The following ATE1 variants were observed in gnomAD, a reference collection of about 807,000 sequenced individuals.
ATE1 encodes arginyl-tRNA--protein transferase 1.
Under a neutral mutation model 70.5 loss-of-function variants are expected in ATE1, and 36 were observed. That is an observed-to-expected ratio of 0.51 (90% CI 0.39 to 0.67). ATE1 has a LOEUF of 0.67. Ranked by LOEUF, ATE1 falls within the 30% of genes least tolerant of loss-of-function variation. The pLI, the probability that ATE1 is intolerant of heterozygous loss-of-function variation, is 0.00. For synonymous variants in ATE1, 232 were observed against 219.3 expected, an observed-to-expected ratio of 1.06 and a Z score of -0.51; for missense variants, 593 against 629.5, an observed-to-expected ratio of 0.94 and a Z score of 0.62.
chr10:121,743,949 G>A (rs180991925), intron 11 of ATE1, 91 bp from the exon 12 acceptor site: 20,572 of 1,270,648 alleles, frequency 0.016, 216 homozygotes, highest in Middle Eastern at 0.025. Context: ...TGAGACAAGA[G>A]TCTTGCTCTG....
At chr10:121,894,191 A>AAATGG (rs1431708569) in intron 7 of ATE1, among the ~76,000 whole-genome samples, 2 of 152,058 alleles carry the variant, frequency 1.3e-5, no homozygotes, top group Non-Finnish European at 2.9e-5. Flanking sequence ...CATATCGAGG[A>AAATGG]AATGGAAATG....
chr10:121,837,972 T>C (rs544795852), intron 9 of ATE1, among the ~76,000 whole-genome samples: 1 of 152,230 alleles, frequency 6.6e-6, no homozygotes, highest in Admixed American at 6.5e-5. Flanking sequence ...GGAGTCACCC[T>C]TAATTCTTTT....
At position 121,819,461 on chromosome 10, in the gene ATE1, T is replaced by C. The variant is rs182565924; in HGVS notation, c.1257+17257A>G. 6.6e-4 allele frequency among the ~76,000 whole-genome samples: 101 copies of C among 152,120 alleles called. 1 individual carries two copies. In the East Asian group the frequency reaches 0.016, roughly 24 times the overall value. On this transcript the variant is annotated intron_variant, in intron 10 of 11. Coordinates refer to ENST00000224652, the MANE Select transcript of ATE1 (RefSeq NM_001001976.3). ...GGCTCACACCTGTAATCCCAGCACT[T>C]TGGGAGGCCGAGGCGGCCGGATCAT...
chr10:121,919,123 C>G (rs1951777181), intron 3 of ATE1, among the ~76,000 whole-genome samples: 1 of 152,246 alleles, frequency 6.6e-6, no homozygotes, highest in South Asian at 2.1e-4. Context: ...TGGCAACCCA[C>G]TAGGGTCCCC....
chr10:121,781,057 T>TTTTG (rs542550781), intron 11 of ATE1, among the ~76,000 whole-genome samples: 1 of 152,228 alleles, frequency 6.6e-6, no homozygotes, highest in South Asian at 2.1e-4. Flanking sequence ...TAAGCTAGCT[T>TTTTG]TTTGTTTGTT....
rs115502900 is a variant in ATE1 at position 121,746,915 on chromosome 10, A to G, written c.1379-3057T>C. Among the ~76,000 whole-genome samples the G allele has an allele frequency of 9.9e-3, 1,505 of 152,308 alleles. 25 individuals carry two copies. The highest frequency in any genetic ancestry group is 0.034 in the African/African-American group (1,420 of 41,564). ...GAGAGTGTTCCTACTATATGAATTT[A>G]TTTCAGAGGCTTAGCTGATCTCAGT... On this transcript the variant is annotated intron_variant, in intron 11 of 11. Transcript: ENST00000224652.
chr10:121,911,241 G>T, intron 4 of ATE1, 90 bp from the exon 5 acceptor site: 1 of 1,473,262 alleles, frequency 6.8e-7, no homozygotes, highest in Non-Finnish European at 9.2e-7. Flanking sequence ...ATTATCCATT[G>T]TGGCAGAATT....
chr10:121,786,474 G>A (rs574637801), intron 11 of ATE1, among the ~76,000 whole-genome samples: 1 of 152,136 alleles, frequency 6.6e-6, no homozygotes, highest in South Asian at 2.1e-4. Flanking sequence ...TTCAAGACAA[G>A]CCTACGCAAC....
intron 10 of ATE1, among the ~76,000 whole-genome samples, chr10:121,795,237 G>GTC (rs544082630): frequency 5.7e-4 from 86 of 152,128 alleles, no homozygotes; most frequent in African/African-American, 2.0e-3. Flanking sequence ...AATGGAGTGA[G>GTC]TCTCTGTCTC....
At chr10:121,853,424 T>C (rs1949131194) in intron 8 of ATE1, among the ~76,000 whole-genome samples, 1 of 148,998 alleles carries the variant, frequency 6.7e-6, no homozygotes, top group Non-Finnish European at 1.5e-5. Flanking sequence ...ATCCCAAAAA[T>C]GCTCCATAAT....
At chr10:121,826,431 A>G (rs1320171258) in intron 10 of ATE1, among the ~76,000 whole-genome samples, 2 of 151,930 alleles carry the variant, frequency 1.3e-5, no homozygotes, top group Non-Finnish European at 2.9e-5. Flanking sequence ...TCAGCCTCCC[A>G]AGTAGCTGGA....
chr10:121,782,897 T>C (rs1946054431), intron 11 of ATE1, among the ~76,000 whole-genome samples: 1 of 152,198 alleles, frequency 6.6e-6, no homozygotes, highest in Admixed American at 6.5e-5. Context: ...CATCGGACTC[T>C]CAGTTCTTCA....
rs1011004475 is a variant in ATE1 at position 121,752,236 on chromosome 10, T to G, written c.1379-8378A>C. On this transcript the variant is annotated intron_variant, in intron 11 of 11. Transcript: ENST00000224652. ...TTACTCCAATTTATATTTCTAAGGT[T>G]TTTTTTTTTTTTGAGACGCAGTCTC... Among the ~76,000 whole-genome samples, 3 of 136,318 alleles carry G rather than the reference T, an allele frequency of 2.2e-5. No homozygotes were observed. The Admixed American group carries it at 2.2e-4, about 10-fold the overall frequency. 89.4% of individuals were successfully genotyped at this position (136,318 alleles called of 152,430 possible).
chr10:121,761,697 C>T (rs1487993074), intron 11 of ATE1, among the ~76,000 whole-genome samples: 1 of 152,136 alleles, frequency 6.6e-6, no homozygotes, highest in Non-Finnish European at 1.5e-5. Context: ...CCTCCCTAGC[C>T]CTGCCTCCCA....
chr10:121,745,598 G>A (rs180711909), intron 11 of ATE1, among the ~76,000 whole-genome samples: 239 of 152,286 alleles, frequency 1.6e-3, no homozygotes, highest in African/African-American at 5.6e-3. Flanking sequence ...GTGGTGGCGG[G>A]CGCCTGTAGT....
intron 3 of ATE1, among the ~76,000 whole-genome samples, chr10:121,916,728 G>A (rs186014102): frequency 1.1e-3 from 164 of 151,772 alleles, no homozygotes; most frequent in African/African-American, 3.8e-3. Flanking sequence ...CCAGCTACTC[G>A]GGAGGCTAAG....
chr10:121,743,465 G>C lies in ATE1; in HGVS notation c.*215C>G. 2 of 891,728 alleles carry C rather than the reference G, an allele frequency of 2.2e-6. No homozygotes were observed. Among genetic ancestry groups the C allele is most frequent in the Non-Finnish European group, 2.9e-6 (2 of 684,068 alleles). 55.2% of individuals were successfully genotyped at this position (891,728 alleles called of 1,614,324 possible). On this transcript the variant is annotated 3_prime_UTR_variant, in exon 12 of 12. Transcript: ENST00000224652. ...TCCAAAATGATAAATCCCAATTATG[G>C]GGGCTAGGTCATAATGCAGTTTTAA...
At chr10:121,884,812 T>C (rs963507264) in intron 7 of ATE1, among the ~76,000 whole-genome samples, 1 of 152,218 alleles carries the variant, frequency 6.6e-6, no homozygotes, top group African/African-American at 2.4e-5. Flanking sequence ...CTACTATTAG[T>C]AATAAATGTC....
rs74453904 is a variant in ATE1 at position 121,754,149 on chromosome 10, C to T, written c.1379-10291G>A. Among the ~76,000 whole-genome samples, 33 of 152,268 alleles carry T rather than the reference C, an allele frequency of 2.2e-4. No individual in the cohort carries two copies. The East Asian group carries it at 6.0e-3, about 28-fold the overall frequency. ...ATACAGATACACAGGTAGATATAAACGTATGTGTATAAACTCACATATATT... is the reference window on the plus strand; with the variant it reads ...ATACAGATACACAGGTAGATATAAATGTATGTGTATAAACTCACATATATT... On this transcript the variant is annotated intron_variant, in intron 11 of 11. Coordinates refer to ENST00000224652, the MANE Select transcript of ATE1 (RefSeq NM_001001976.3).
Sources: allele counts gnomAD v4.1 joint callset (sites outside exome capture counted in the v4.1 genomes callset), GRCh38; gene constraint gnomAD v4.1.1; transcripts MANE v1.5; gene names NCBI Gene and HGNC (gene_info 2026-07-23, HGNC 2026-07-21).